Variants in MAGI1 observed in about 807,000 individuals in gnomAD.
MAGI1 encodes the protein membrane associated guanylate kinase, WW and PDZ domain containing 1, also known as membrane-associated guanylate kinase, WW and PDZ domain-containing protein 1.
In MAGI1, 58 loss-of-function variants were observed where a neutral mutation model predicts 139.9. The observed-to-expected ratio is 0.41, with a 90% CI of 0.34 to 0.52. MAGI1 has a LOEUF of 0.52. Ranked by LOEUF, MAGI1 falls within the 20% of genes least tolerant of loss-of-function variation. The pLI is 0.12. For synonymous variants in MAGI1, 812 were observed against 737.9 expected (o/e 1.10, Z -1.63); for missense variants, 1,874 against 1,901.6 (o/e 0.99, Z 0.27).
At chr3:65,364,639 A>G (rs1941234878) in intron 20 of MAGI1, 26 bp downstream of exon 20, 2 of 1,602,538 alleles carry the variant, frequency 1.2e-6, no homozygotes, top group East Asian at 2.2e-5. Context: ...TGCAAAGTAT[A>G]GAGAAAAAAG....
At chr3:65,516,980 G>T (rs181476144) in intron 2 of MAGI1, among the ~76,000 whole-genome samples, 2 of 151,254 alleles carry the variant, frequency 1.3e-5, no homozygotes, top group African/African-American at 4.9e-5. Flanking sequence ...CGCCCGCCTC[G>T]GCCTCCCAAA....
chr3:65,927,669 A>G (rs893184511), intron 1 of MAGI1, among the ~76,000 whole-genome samples: 1 of 152,356 alleles, frequency 6.6e-6, no homozygotes, highest in South Asian at 2.1e-4. Context: ...GTAAAATGAT[A>G]CAATGAGGAA....
intron 18 of MAGI1, among the ~76,000 whole-genome samples, chr3:65,367,708 A>T (rs973934943): frequency 6.6e-6 from 1 of 152,224 alleles, no homozygotes; most frequent in Non-Finnish European, 1.5e-5. Context: ...CTCAGGCAGC[A>T]GGTGGAGATA....
chr3:65,579,917 T>C (rs963810442), intron 2 of MAGI1, among the ~76,000 whole-genome samples: 2 of 151,964 alleles, frequency 1.3e-5, no homozygotes, highest in African/African-American at 2.4e-5. Flanking sequence ...ACAAGCTCAC[T>C]GGCACTCTTT....
At chr3:65,972,743 C>T (rs1192500256) in intron 1 of MAGI1, among the ~76,000 whole-genome samples, 1 of 152,194 alleles carries the variant, frequency 6.6e-6, no homozygotes, top group Non-Finnish European at 1.5e-5. Flanking sequence ...ATTCACGGTC[C>T]ACATTTATTA....
At chr3:65,454,890 T>C (rs1352358997) in intron 5 of MAGI1, among the ~76,000 whole-genome samples, 4 of 152,110 alleles carry the variant, frequency 2.6e-5, no homozygotes, top group African/African-American at 4.8e-5. Context: ...ATGAGAGAAG[T>C]ATTATTAGCA....
chr3:65,433,404 G>A lies in MAGI1; in HGVS notation c.1364-2523C>T, dbSNP rs1306874711. Among the ~76,000 whole-genome samples, 6 of 152,172 alleles carry A rather than the reference G, an allele frequency of 3.9e-5. No individual in the cohort carries two copies. In the East Asian group the frequency reaches 9.7e-4, roughly 25 times the overall value. The stretch of plus-strand genomic sequence containing the variant: ...CATGAGCAGAGCTTTGAAATTATAC[G>A]ACTGACTTCCTTTTCCAATGTTTAA... On this transcript the variant is annotated intron_variant, in intron 10 of 22. Coordinates refer to ENST00000402939, the MANE Select transcript of MAGI1 (RefSeq NM_001033057.2).
Position 66,024,204 on chromosome 3 carries a change from A to C in MAGI1, c.313+13792T>G, listed in dbSNP as rs142582867. Among the ~76,000 whole-genome samples, 282 of 151,956 alleles carry C rather than the reference A, an allele frequency of 1.9e-3. 1 individual carries two copies. Among genetic ancestry groups the C allele is most frequent in the Middle Eastern group, 6.8e-3 (2 of 294 alleles). The stretch of plus-strand genomic sequence containing the variant: ...ACAAATATATAAACAAGGCATTGCA[A>C]GCTTGTCATCTGAGGACCAAATATG... On this transcript the variant is annotated intron_variant, in intron 1 of 22. Coordinates refer to ENST00000402939, the MANE Select transcript of MAGI1 (RefSeq NM_001033057.2).
intron 2 of MAGI1, among the ~76,000 whole-genome samples, chr3:65,511,873 C>T (rs2077617988): frequency 8.9e-6 from 1 of 112,492 alleles, no homozygotes; most frequent in Non-Finnish European, 1.8e-5. Flanking sequence ...CACCACACCA[C>T]ACCTATTCCA....
intron 1 of MAGI1, among the ~76,000 whole-genome samples, chr3:65,655,882 C>T (rs999652074): frequency 2.6e-5 from 4 of 152,170 alleles, no homozygotes; most frequent in African/African-American, 9.7e-5. Flanking sequence ...GTTCCCAAGT[C>T]GAAGCTCTTC....
chr3:65,419,087 T>G (rs1946444409), intron 12 of MAGI1, among the ~76,000 whole-genome samples: 2 of 152,108 alleles, frequency 1.3e-5, no homozygotes, highest in Admixed American at 1.3e-4. Context: ...GTCTTGCACT[T>G]TTTCTCCCTC....
chr3:65,580,342 T>A (rs997925678), intron 2 of MAGI1, among the ~76,000 whole-genome samples: 3 of 151,382 alleles, frequency 2.0e-5, no homozygotes, highest in Admixed American at 1.3e-4. Flanking sequence ...GGCCAAGTAA[T>A]CTCGCATCTT....
In MAGI1 at chr3:65,924,113, C is replaced by T. The variant is rs188422935; in HGVS notation, c.313+113883G>A. 4.9e-4 allele frequency among the ~76,000 whole-genome samples: 74 copies of T among 152,228 alleles called. 1 individual carries two copies. The highest frequency in any genetic ancestry group is 6.8e-3 in the Middle Eastern group (2 of 294). Reference sequence around the variant, plus strand: ...AAGCTAAGACCATCTGTAAAAAATGCCATTATGGCTCTTTACCAATTGACA... The same window carrying T: ...AAGCTAAGACCATCTGTAAAAAATGTCATTATGGCTCTTTACCAATTGACA... On this transcript the variant is annotated intron_variant, in intron 1 of 22. Transcript: ENST00000402939.
chr3:65,828,299 G>T (rs2108283326), intron 1 of MAGI1, among the ~76,000 whole-genome samples: 1 of 152,274 alleles, frequency 6.6e-6, no homozygotes. Context: ...CAACATCACA[G>T]GCTAACTGTG....
At position 65,688,919 on chromosome 3, in the gene MAGI1, G is replaced by A. The variant is rs80162071; in HGVS notation, c.314-66831C>T. Reference sequence around the variant, plus strand: ...ACTGAGTAAGAAACTATTGACGCTGGCAGCTCTGTTTGTACCTTTATTTTT... The same window carrying A: ...ACTGAGTAAGAAACTATTGACGCTGACAGCTCTGTTTGTACCTTTATTTTT... On this transcript the variant is annotated intron_variant, in intron 1 of 22. Coordinates refer to ENST00000402939, the MANE Select transcript of MAGI1 (RefSeq NM_001033057.2). 2.2e-3 allele frequency among the ~76,000 whole-genome samples: 336 copies of A among 152,230 alleles called. 1 individual carries two copies. Among genetic ancestry groups the A allele is most frequent in the African/African-American group, 7.8e-3 (326 of 41,538 alleles).
chr3:65,856,127 T>A (rs561068103), intron 1 of MAGI1, among the ~76,000 whole-genome samples: 1 of 152,188 alleles, frequency 6.6e-6, no homozygotes, highest in African/African-American at 2.4e-5. Flanking sequence ...TATTTTATTA[T>A]GTTTAATTTT....
At chr3:65,716,053 T>C (rs1159050199) in intron 1 of MAGI1, among the ~76,000 whole-genome samples, 1 of 152,184 alleles carries the variant, frequency 6.6e-6, no homozygotes, top group Non-Finnish European at 1.5e-5. Context: ...AAACAAACAA[T>C]TATATTCCAA....
At chr3:66,011,745 G>C (rs2067330911) in intron 1 of MAGI1, among the ~76,000 whole-genome samples, 1 of 151,582 alleles carries the variant, frequency 6.6e-6, no homozygotes, top group Admixed American at 6.6e-5. Flanking sequence ...TCCTTCAACA[G>C]GAATTGATTC....
intron 14 of MAGI1, chr3:65,387,021 C>T: frequency 1.3e-6 from 1 of 787,238 alleles, no homozygotes; most frequent in Admixed American, 2.6e-5. Flanking sequence ...CAAAGCACTT[C>T]CCTTCATGCC....
Sources: allele counts gnomAD v4.1 joint callset (sites outside exome capture counted in the v4.1 genomes callset), GRCh38; gene constraint gnomAD v4.1.1; transcripts MANE v1.5; gene names NCBI Gene and HGNC (gene_info 2026-07-23, HGNC 2026-07-21).